The following COMMD10 variants were observed in gnomAD, a reference collection of about 807,000 sequenced individuals.
COMMD10 encodes the protein COMM domain-containing protein 10.
In COMMD10, 33 loss-of-function variants were observed where a neutral mutation model predicts 28.9. The observed-to-expected ratio is 1.14, with a 90% CI of 0.87 to 1.53. The LOEUF is 1.53. Among genes scored for constraint, COMMD10 ranks in the 40% most tolerant of loss-of-function variants. The probability of loss-of-function intolerance (pLI) is 0.00; values close to 1 mark genes in which losing one functional copy is unlikely to be tolerated. For missense variants in COMMD10, 310 were observed against 233.4 expected, an observed-to-expected ratio of 1.33 and a Z score of -2.14; for synonymous variants, 110 against 81.7, an observed-to-expected ratio of 1.35 and a Z score of -1.87.
intron 5 of COMMD10, among the ~76,000 whole-genome samples, chr5:116,259,010 C>CT (rs1561396696): frequency 6.7e-6 from 1 of 149,866 alleles, no homozygotes; most frequent in South Asian, 2.1e-4. Flanking sequence ...TCTGAATAAT[C>CT]TTTTGTCTTT....
At chr5:116,290,206 G>A (rs1000718670) in intron 5 of COMMD10, among the ~76,000 whole-genome samples, 3 of 151,786 alleles carry the variant, frequency 2.0e-5, no homozygotes, top group Non-Finnish European at 4.4e-5. Flanking sequence ...TAACTGCTAG[G>A]AGGGCATATA....
At chr5:116,239,040 C>T (rs1219312223) in intron 5 of COMMD10, among the ~76,000 whole-genome samples, 1 of 152,122 alleles carries the variant, frequency 6.6e-6, no homozygotes, top group Admixed American at 6.5e-5. Flanking sequence ...TGTATGTCTT[C>T]TATTGAAGAG....
chr5:116,160,418 G>A (rs1508874), intron 5 of COMMD10, among the ~76,000 whole-genome samples: 136,476 of 152,224 alleles, frequency 0.9, 61,324 homozygotes, highest in African/African-American at 0.94. Flanking sequence ...CTAATATCAG[G>A]TGCTGTATTA....
intron 5 of COMMD10, among the ~76,000 whole-genome samples, chr5:116,256,920 C>G (rs996151815): frequency 2.6e-5 from 4 of 151,684 alleles, no homozygotes; most frequent in Non-Finnish European, 4.4e-5. Flanking sequence ...ATAAACAACT[C>G]TTTTATTAGA....
chr5:116,166,805 A>C (rs1753113815), intron 5 of COMMD10, among the ~76,000 whole-genome samples: 1 of 152,186 alleles, frequency 6.6e-6, no homozygotes, highest in Non-Finnish European at 1.5e-5. Flanking sequence ...AATCAACATC[A>C]ACAAAACGGA....
chr5:116,218,040 C>A, intron 5 of COMMD10: 1 of 1,108,988 alleles, frequency 9.0e-7, no homozygotes, highest in Non-Finnish European at 1.4e-6. Context: ...GCACCTCCAG[C>A]ACCTTCAGCT....
rs576441199 is a variant in COMMD10, at chr5:116,149,305, G to A, written c.510+15127G>A. Among the ~76,000 whole-genome samples the A allele has an allele frequency of 8.1e-3, 1,167 of 143,196 alleles. 15 individuals are homozygous for A. The highest frequency in any genetic ancestry group is 0.022 in the African/African-American group (794 of 36,356). 93.9% of individuals were successfully genotyped at this position (143,196 alleles called of 152,430 possible). On this transcript the variant is annotated intron_variant, in intron 5 of 6. Coordinates refer to ENST00000274458, the MANE Select transcript of COMMD10 (RefSeq NM_016144.4). Reference sequence around the variant, plus strand: ...AGTCTTTGCTATTGTGAATAGTGCCGCAATAAACATACGTGTGTGTGTGTC... The same window carrying A: ...AGTCTTTGCTATTGTGAATAGTGCCACAATAAACATACGTGTGTGTGTGTC...
At position 116,170,441 on chromosome 5, in the gene COMMD10, C is replaced by T. The variant is rs976611036; in HGVS notation, c.510+36263C>T. On this transcript the variant is annotated intron_variant, in intron 5 of 6. Coordinates refer to ENST00000274458, the MANE Select transcript of COMMD10 (RefSeq NM_016144.4). Reference sequence around the variant, plus strand: ...TAATTTGTAGATTCAGTGCCATCCCCATCAAGCTACCATTGAACTTCTTCA... The same window carrying T: ...TAATTTGTAGATTCAGTGCCATCCCTATCAAGCTACCATTGAACTTCTTCA... Among the ~76,000 whole-genome samples, 5 of 152,300 alleles carry T rather than the reference C, an allele frequency of 3.3e-5. No homozygotes were observed. In the South Asian group the frequency reaches 1.0e-3, roughly 32 times the overall value.
chr5:116,136,060 C>CT (rs1752017404), intron 5 of COMMD10, among the ~76,000 whole-genome samples: 1 of 152,156 alleles, frequency 6.6e-6, no homozygotes, highest in East Asian at 1.9e-4. Context: ...ATCAATAAAA[C>CT]TTTTTTGTTT....
At chr5:116,085,219 G>A (rs1182105256) in intron 1 of COMMD10, 126 bp downstream of exon 1, 1 of 671,562 alleles carries the variant, frequency 1.5e-6, no homozygotes, top group Admixed American at 2.4e-5. Flanking sequence ...GGGTGGGGTG[G>A]GGTGGGCTGC....
intron 5 of COMMD10, among the ~76,000 whole-genome samples, chr5:116,243,773 A>G (rs1749872164): frequency 6.6e-6 from 1 of 152,206 alleles, no homozygotes; most frequent in Admixed American, 6.5e-5. Context: ...AACATCTGAG[A>G]GGCACTAAAA....
intron 5 of COMMD10, among the ~76,000 whole-genome samples, chr5:116,161,213 T>C (rs991038558): frequency 6.6e-6 from 1 of 152,168 alleles, no homozygotes; most frequent in Non-Finnish European, 1.5e-5. Flanking sequence ...TCAGCAAACC[T>C]GGTTTAAATT....
chr5:116,220,331 A>C (rs1323625633), intron 5 of COMMD10, among the ~76,000 whole-genome samples: 1 of 152,178 alleles, frequency 6.6e-6, no homozygotes, highest in African/African-American at 2.4e-5. Flanking sequence ...GGGGGATTTA[A>C]TCAGGAAGTA....
chr5:116,231,003 TG>T (rs535705906), intron 5 of COMMD10, among the ~76,000 whole-genome samples: 500 of 152,270 alleles, frequency 3.3e-3, no homozygotes, highest in Non-Finnish European at 5.5e-3. Context: ...AGCTAGCCTC[TG>T]GCTCCTCTTT....
At chr5:116,146,400 A>G (rs889100144) in intron 5 of COMMD10, among the ~76,000 whole-genome samples, 1 of 151,816 alleles carries the variant, frequency 6.6e-6, no homozygotes, top group African/African-American at 2.4e-5. Flanking sequence ...ATGTTGTTTG[A>G]ATTATATTAG....
chr5:116,285,014 T>C (rs534663247), intron 5 of COMMD10, among the ~76,000 whole-genome samples: 1 of 151,648 alleles, frequency 6.6e-6, no homozygotes, highest in Admixed American at 6.6e-5. Flanking sequence ...TTATGACAGG[T>C]AAAAAATGAA....
At chr5:116,092,746 AT>A in intron 4 of COMMD10, 46 bp downstream of exon 4, 1 of 1,308,820 alleles carries the variant, frequency 7.6e-7, no homozygotes, top group Admixed American at 2.5e-5. Context: ...AACATATGGC[AT>A]AAATTATTAT....
intron 5 of COMMD10, among the ~76,000 whole-genome samples, chr5:116,172,074 C>T (rs1266723581): frequency 6.6e-6 from 1 of 152,044 alleles, no homozygotes; most frequent in Non-Finnish European, 1.5e-5. Context: ...ATGTCCAGAG[C>T]TTACAGAAGA....
chr5:116,244,796 C>A (rs551720077), intron 5 of COMMD10, among the ~76,000 whole-genome samples: 1 of 151,288 alleles, frequency 6.6e-6, no homozygotes, highest in South Asian at 2.1e-4. Context: ...AACAGAGATA[C>A]AAAATACCGG....
Sources: allele counts gnomAD v4.1 joint callset (sites outside exome capture counted in the v4.1 genomes callset), GRCh38; gene constraint gnomAD v4.1.1; transcripts MANE v1.5; gene names NCBI Gene and HGNC (gene_info 2026-07-23, HGNC 2026-07-21).